HTR7: variants seen among roughly 807,000 people sequenced by gnomAD.
HTR7 encodes 5-hydroxytryptamine receptor 7, also known as 5-HT-7.
In HTR7, 16 loss-of-function variants were observed where a neutral mutation model predicts 34.0. That is an observed-to-expected ratio of 0.47 (90% CI 0.32 to 0.71). The LOEUF (loss-of-function observed/expected upper bound fraction) is 0.71, where lower values mean the gene tolerates loss of function less well. Ranked by LOEUF, HTR7 falls within the 30% of genes least tolerant of loss-of-function variation. The pLI, the probability that HTR7 is intolerant of heterozygous loss-of-function variation, is 0.04. For synonymous variants in HTR7, 265 were observed against 260.2 expected (o/e 1.02, Z -0.18); for missense variants, 504 against 625.5 (o/e 0.81, Z 2.07).
chr10:90,763,426 T>TA (rs1263123424), intron 1 of HTR7, among the ~76,000 whole-genome samples: 2 of 152,118 alleles, frequency 1.3e-5, no homozygotes, highest in Non-Finnish European at 2.9e-5. Flanking sequence ...ATTTCTTTTT[T>TA]TATAAGATGC....
chr10:90,758,607 C>G (rs961576018), intron 1 of HTR7, among the ~76,000 whole-genome samples: 15 of 152,010 alleles, frequency 9.9e-5, no homozygotes, highest in African/African-American at 3.6e-4. Flanking sequence ...AAAAAGTATA[C>G]AGTGATATAA....
At chr10:90,769,285 A>T (rs1188046623) in intron 1 of HTR7, among the ~76,000 whole-genome samples, 1 of 152,260 alleles carries the variant, frequency 6.6e-6, no homozygotes, top group Non-Finnish European at 1.5e-5. Flanking sequence ...TACTTTGATA[A>T]GACCATTTCT....
intron 1 of HTR7, among the ~76,000 whole-genome samples, chr10:90,760,008 T>C (rs867529652): frequency 6.6e-6 from 1 of 152,206 alleles, no homozygotes; most frequent in South Asian, 2.1e-4. Context: ...CTCTTAAAAT[T>C]AGTGCTGTAC....
chr10:90,816,324 A>G (rs746902145), intron 1 of HTR7, among the ~76,000 whole-genome samples: 4 of 152,228 alleles, frequency 2.6e-5, no homozygotes, highest in Non-Finnish European at 5.9e-5. Context: ...TTTGGAAACT[A>G]TCTGTGAGTA....
intron 1 of HTR7, among the ~76,000 whole-genome samples, chr10:90,758,700 T>C (rs1483731394): frequency 6.6e-6 from 1 of 151,976 alleles, no homozygotes; most frequent in Non-Finnish European, 1.5e-5. Context: ...AAAAGCGATA[T>C]AGAATTATTA....
intron 1 of HTR7, among the ~76,000 whole-genome samples, chr10:90,789,544 T>C (rs1845433772): frequency 6.7e-6 from 1 of 148,534 alleles, no homozygotes; most frequent in Non-Finnish European, 1.5e-5. Context: ...TGCCGAGACA[T>C]GATCTGTTTC....
chr10:90,742,448 T>C lies in HTR7; in HGVS notation c.*34A>G. ...ACTTCCTTCTGTTTCCACCTCTATT[T>C]TGCCTTGTTTATTTCATCTCCATTG... On this transcript the variant is annotated 3_prime_UTR_variant, in exon 4 of 4. Coordinates refer to ENST00000336152, the MANE Select transcript of HTR7 (RefSeq NM_019859.4). The C allele has an allele frequency of 1.9e-6, 3 of 1,558,674 alleles. No homozygotes were observed. Among genetic ancestry groups the C allele is most frequent in the Non-Finnish European group, 2.6e-6 (3 of 1,138,736 alleles).
intron 1 of HTR7, among the ~76,000 whole-genome samples, chr10:90,781,794 C>T (rs1845309151): frequency 6.6e-6 from 1 of 152,178 alleles, no homozygotes; most frequent in Non-Finnish European, 1.5e-5. Flanking sequence ...GGAAAAAGCC[C>T]TCTAGCCACT....
chr10:90,841,144 C>G (rs1394546251), intron 1 of HTR7, among the ~76,000 whole-genome samples: 1 of 152,210 alleles, frequency 6.6e-6, no homozygotes, highest in Non-Finnish European at 1.5e-5. Context: ...CCTCTCGGAG[C>G]CTCAGCTTTC....
intron 1 of HTR7, among the ~76,000 whole-genome samples, chr10:90,852,535 G>A (rs1223089659): frequency 1.3e-5 from 2 of 152,090 alleles, no homozygotes; most frequent in Non-Finnish European, 2.9e-5. Flanking sequence ...CAAATGACTT[G>A]CACATAAATA....
intron 1 of HTR7, among the ~76,000 whole-genome samples, chr10:90,764,889 A>C (rs984205639): frequency 1.3e-5 from 2 of 152,104 alleles, no homozygotes; most frequent in African/African-American, 4.8e-5. Context: ...GTGGTGTATC[A>C]TATTTATTGA....
Position 90,858,015 on chromosome 10 carries a change from G to A in HTR7, c.-344C>T, listed in dbSNP as rs1286918927. Reference sequence around the variant, plus strand: ...TCGGCTGCGCCGAGAGCGCCCGGGCGGCAGCGGCAGAAGTTGCGGAGTGCG... The same window carrying A: ...TCGGCTGCGCCGAGAGCGCCCGGGCAGCAGCGGCAGAAGTTGCGGAGTGCG... On this transcript the variant is annotated 5_prime_UTR_variant, in exon 1 of 4. Coordinates refer to ENST00000336152, the MANE Select transcript of HTR7 (RefSeq NM_019859.4). 1.3e-5 allele frequency among the ~76,000 whole-genome samples: 2 copies of A among 149,492 alleles called. No homozygotes were observed. The highest frequency in any genetic ancestry group is 3.0e-5 in the Non-Finnish European group (2 of 67,142).
rs532178231 is a variant in HTR7, at chr10:90,842,418, A to G, written c.539+14715T>C. The stretch of plus-strand genomic sequence containing the variant: ...ATAGCAGCATGAAGGGGTAAGACAG[A>G]TCTGGAGTCAGACATTCCTCATGGC... On this transcript the variant is annotated intron_variant, in intron 1 of 3. Transcript: ENST00000336152. Among the ~76,000 whole-genome samples, 323 of 152,262 alleles carry G rather than the reference A, an allele frequency of 2.1e-3. 1 individual carries two copies. The highest frequency in any genetic ancestry group is 0.01 in the Middle Eastern group (3 of 294).
intron 1 of HTR7, among the ~76,000 whole-genome samples, chr10:90,776,556 T>C (rs1354418365): frequency 6.6e-6 from 1 of 152,232 alleles, no homozygotes; most frequent in Non-Finnish European, 1.5e-5. Context: ...AAATTTGATT[T>C]AGTCATACAG....
At chr10:90,753,146 T>A (rs1844768904) in intron 1 of HTR7, among the ~76,000 whole-genome samples, 1 of 152,148 alleles carries the variant, frequency 6.6e-6, no homozygotes, top group South Asian at 2.1e-4. Context: ...AACACAGCCA[T>A]CCCATAGTAA....
rs985082831 is a variant in HTR7 at position 90,815,146 on chromosome 10, C to T, written c.539+41987G>A. Among the ~76,000 whole-genome samples, 5 of 149,928 alleles carry T rather than the reference C, an allele frequency of 3.3e-5. No individual in the cohort carries two copies. The South Asian group carries it at 6.3e-4, about 19-fold the overall frequency. On this transcript the variant is annotated intron_variant, in intron 1 of 3. Transcript: ENST00000336152. ...TCACTCTGTTGCCCAGGCTGAAGTG[C>T]GGTGGTGCGATCTCGGCTCACCGCA...
chr10:90,815,073 A>AT (rs560360112), intron 1 of HTR7, among the ~76,000 whole-genome samples: 2,327 of 140,630 alleles, frequency 0.017, 29 homozygotes, highest in East Asian at 0.07. Flanking sequence ...CAAAAGTTGG[A>AT]TTTTTTTTTT....
At chr10:90,742,716 C>T (rs1844572933) in intron 3 of HTR7, among the ~76,000 whole-genome samples, 188 bp from the exon 4 acceptor site, 1 of 152,144 alleles carries the variant, frequency 6.6e-6, no homozygotes, top group African/African-American at 2.4e-5. Context: ...AATTTCATAA[C>T]TTCCACAAGT....
intron 1 of HTR7, among the ~76,000 whole-genome samples, chr10:90,844,014 A>G (rs1846371393): frequency 6.6e-6 from 1 of 152,244 alleles, no homozygotes; most frequent in Non-Finnish European, 1.5e-5. Context: ...CTTTCATGCT[A>G]CAGTGGCAGA....
Sources: allele counts gnomAD v4.1 joint callset (sites outside exome capture counted in the v4.1 genomes callset), GRCh38; gene constraint gnomAD v4.1.1; transcripts MANE v1.5; gene names NCBI Gene and HGNC (gene_info 2026-07-23, HGNC 2026-07-21).